Variants in TCTN1 observed in about 807,000 individuals in gnomAD.
The protein encoded by TCTN1 is tectonic family member 1.
In TCTN1, 58 loss-of-function variants were observed where a neutral mutation model predicts 65.8. The observed-to-expected ratio is 0.88, with a 90% CI of 0.71 to 1.10. The LOEUF is 1.10. TCTN1 is among the 50% of genes least tolerant of loss of function. The pLI, the probability that TCTN1 is intolerant of heterozygous loss-of-function variation, is 0.00. For synonymous variants in TCTN1, 273 were observed against 289.1 expected (o/e 0.94, Z 0.57); for missense variants, 645 against 719.4 (o/e 0.90, Z 1.18).
chr12:110,640,380 C>T lies in TCTN1; in HGVS notation c.844-3C>T, dbSNP rs1197902667. On this transcript the variant is annotated splice_region_variant and splice_polypyrimidine_tract_variant and intron_variant, in intron 7 of 14. Coordinates refer to ENST00000397659, the MANE Select transcript of TCTN1 (RefSeq NM_001082538.3). This position sits in a 1 kb window ranked among gnomAD's most constrained non-coding sequence, Gnocchi z 4.9. ...TTCAACACTCCAGGTCTTCACTCTG[C>T]AGGTCCCTATCACTGTTCAGTCCAT... 2.5e-6 allele frequency: 4 copies of T among 1,614,122 alleles called. No homozygotes were observed. Among genetic ancestry groups the T allele is most frequent in the South Asian group, 1.1e-5 (1 of 91,078 alleles).
chr12:110,635,804 T>G (rs952658112), intron 6 of TCTN1: 3 of 152,548 alleles, frequency 2.0e-5, no homozygotes, highest in African/African-American at 7.2e-5. Context: ...CCTTTCCCTC[T>G]CCCCTCATTT....
intron 13 of TCTN1, 29 bp downstream of exon 13, chr12:110,647,365 G>A: frequency 1.2e-6 from 2 of 1,613,800 alleles, no homozygotes; most frequent in Non-Finnish European, 1.7e-6. Context: ...AAAGGCATAG[G>A]TTAAGACAGA....
At chr12:110,627,823 G>A (rs1299982713) in intron 3 of TCTN1, 2 of 597,292 alleles carry the variant, frequency 3.3e-6, no homozygotes, top group Non-Finnish European at 3.0e-6. Flanking sequence ...AATGTTATCA[G>A]GATATCAAAG....
chr12:110,626,621 C>G (rs2065861417), intron 3 of TCTN1, 129 bp downstream of exon 3: 1 of 1,027,556 alleles, frequency 9.7e-7, no homozygotes, highest in African/African-American at 1.6e-5. Context: ...GCTCTGTCAC[C>G]CAGGCTGGCG....
At chr12:110,627,364 C>G (rs73419332) in intron 3 of TCTN1, among the ~76,000 whole-genome samples, 1 of 151,946 alleles carries the variant, frequency 6.6e-6, no homozygotes. Flanking sequence ...CTCAAAATGC[C>G]GAGATTACAG....
intron 14 of TCTN1, chr12:110,648,840 C>G (rs569017966): frequency 8.2e-6 from 3 of 363,996 alleles, no homozygotes; most frequent in African/African-American, 6.5e-5. Context: ...AGTAGTTGTA[C>G]AGTAATTGAG....
At chr12:110,626,775 T>G (rs561621129) in intron 3 of TCTN1, among the ~76,000 whole-genome samples, 3 of 146,560 alleles carry the variant, frequency 2.0e-5, no homozygotes, top group South Asian at 2.2e-4. Context: ...TTTTTTTTTT[T>G]TTTTTTTTTT....
At position 110,649,212 on chromosome 12, in the gene TCTN1, G is replaced by A. The variant is rs1472900812; in HGVS notation, c.*171G>A. 2 of 678,410 alleles carry A rather than the reference G, an allele frequency of 2.9e-6. No homozygotes were observed. The highest frequency in any genetic ancestry group is 2.7e-5 in the East Asian group (1 of 37,038). The allele number at this position is 678,410 out of a possible 1,614,324, so 42.0% of individuals were successfully genotyped here. On this transcript the variant is annotated 3_prime_UTR_variant, in exon 15 of 15. Transcript: ENST00000397659. ...TGTGATACATTTGATACAGTGTGGG[G>A]TGGGAGTGGATGGGCAGCTCTTGGT...
At chr12:110,620,080 T>A in intron 2 of TCTN1, 124 bp downstream of exon 2, 1 of 1,431,666 alleles carries the variant, frequency 7.0e-7, no homozygotes, top group Non-Finnish European at 9.8e-7. Flanking sequence ...TACGTCGTTC[T>A]GAAGCCATAC....
intron 4 of TCTN1, among the ~76,000 whole-genome samples, chr12:110,630,615 C>T (rs1331695387): frequency 6.6e-6 from 1 of 152,274 alleles, no homozygotes; most frequent in African/African-American, 2.4e-5. Context: ...TCCCTGTATC[C>T]ATTAATATTC....
At chr12:110,636,592 A>G in intron 7 of TCTN1, 91 bp downstream of exon 7, 3 of 789,768 alleles carry the variant, frequency 3.8e-6, no homozygotes, top group Non-Finnish European at 6.1e-6. Flanking sequence ...TACAGTTACA[A>G]TTAGAAGGGG....
intron 6 of TCTN1, 24 bp downstream of exon 6, chr12:110,634,803 C>T (rs1008438249): frequency 1.3e-6 from 2 of 1,534,896 alleles, no homozygotes; most frequent in South Asian, 1.1e-5. Flanking sequence ...TGAAGTGGAA[C>T]TTACTCATTA....
intron 14 of TCTN1, among the ~76,000 whole-genome samples, chr12:110,648,171 G>T (rs933776193): frequency 6.6e-6 from 1 of 152,042 alleles, no homozygotes; most frequent in East Asian, 1.9e-4. Flanking sequence ...GGGTCTTGCT[G>T]TGTTGACCAG....
In TCTN1 at chr12:110,634,682, A is replaced by G; in HGVS notation, c.725A>G (p.Asn242Ser). The G allele has an allele frequency of 1.2e-6, 2 of 1,608,780 alleles. No homozygotes were observed. The highest frequency in any genetic ancestry group is 1.7e-6 in the Non-Finnish European group (2 of 1,177,160). Residue 242 changes from asparagine to serine, a missense_variant, in exon 6 of 15, where the codon AAC becomes AGC. Asn to Ser is a conservative substitution (Grantham distance 46, BLOSUM62 1). Transcript: ENST00000397659. Reference sequence around the variant, plus strand: ...TAATGATTTCTAGCGTTTCTGGTGAACCAGGCTGTTAAGTGCACCAGAAAA... The same window carrying G: ...TAATGATTTCTAGCGTTTCTGGTGAGCCAGGCTGTTAAGTGCACCAGAAAA... Reference protein sequence around the residue: ...TDNNPAAFLVNQAVKCTRKIN... With the variant: ...TDNNPAAFLVSQAVKCTRKIN...
chr12:110,647,559 T>C, intron 13 of TCTN1, 190 bp from the exon 14 acceptor site: 4 of 1,031,402 alleles, frequency 3.9e-6, no homozygotes, highest in Non-Finnish European at 5.7e-6. Context: ...AATTATGATA[T>C]TCACGTGTTA....
rs1222172717 is a variant in TCTN1, at chr12:110,627,763, G to C, written c.473-1004G>C. ...GAAAACAGGATCTTTATTTTTATCTGAGCATTTAGCTCAAATATATGTCTA... is the reference window on the plus strand; with the variant it reads ...GAAAACAGGATCTTTATTTTTATCTCAGCATTTAGCTCAAATATATGTCTA... On this transcript the variant is annotated intron_variant, in intron 3 of 14. Coordinates refer to ENST00000397659, the MANE Select transcript of TCTN1 (RefSeq NM_001082538.3). 3 of 447,828 alleles carry C rather than the reference G, an allele frequency of 6.7e-6. No homozygotes were observed. In the East Asian group the frequency reaches 9.9e-5, roughly 15 times the overall value. 27.7% of individuals were successfully genotyped at this position (447,828 alleles called of 1,614,324 possible). A position where few individuals can be genotyped will look rare whatever the true frequency, so the allele number is the denominator to read the frequency against.
chr12:110,631,371 C>T (rs561642129), intron 4 of TCTN1, among the ~76,000 whole-genome samples: 133 of 151,440 alleles, frequency 8.8e-4, no homozygotes, highest in Non-Finnish European at 1.5e-3. Context: ...TGGTGGCTCA[C>T]GCCTATAATC....
intron 3 of TCTN1, chr12:110,627,803 G>A: frequency 1.7e-6 from 1 of 581,798 alleles, no homozygotes; most frequent in Non-Finnish European, 3.0e-6. Flanking sequence ...CAAAGTACAT[G>A]TACATGTAAA....
chr12:110,644,865 C>A lies in TCTN1; in HGVS notation c.1332-102C>A. ...TGGGCATCAGAGTGAGACCTTATCT[C>A]AAAAATAAATAAACAAAGGGAAGGA... On this transcript the variant is annotated intron_variant, in intron 11 of 14. Transcript: ENST00000397659. The surrounding 1 kb of genome is among the most constrained non-coding windows in gnomAD (Gnocchi z 4.6). 1 of 1,521,566 alleles carries A rather than the reference C, an allele frequency of 6.6e-7. No individual in the cohort carries two copies. Among genetic ancestry groups the A allele is most frequent in the South Asian group, 1.1e-5 (1 of 88,898 alleles). The allele number at this position is 1,521,566 out of a possible 1,614,324, so 94.3% of individuals were successfully genotyped here.
Sources: allele counts gnomAD v4.1 joint callset (sites outside exome capture counted in the v4.1 genomes callset), GRCh38; gene constraint gnomAD v4.1.1; non-coding constraint Gnocchi (gnomAD v3.1); transcripts MANE v1.5; gene names NCBI Gene and HGNC (gene_info 2026-07-23, HGNC 2026-07-21).